The following PDZD2 variants were observed in gnomAD, a reference collection of about 807,000 sequenced individuals.
PDZD2 encodes PDZ domain-containing protein 2.
A neutral mutation model predicts 220.7 loss-of-function variants in PDZD2; 90 were observed. The observed-to-expected ratio is 0.41, with a 90% confidence interval of 0.34 to 0.49. PDZD2 has a LOEUF of 0.49. Ranked by LOEUF, PDZD2 falls within the 20% of genes least tolerant of loss-of-function variation. The pLI, the probability that PDZD2 is intolerant of heterozygous loss-of-function variation, is 0.28. For missense variants in PDZD2, 3,174 were observed against 3,608.5 expected, an observed-to-expected ratio of 0.88 and a Z score of 3.08; for synonymous variants, 1,375 against 1,450.5, an observed-to-expected ratio of 0.95 and a Z score of 1.18.
chr5:31,861,063 T>C (rs1488685031), intron 2 of PDZD2, among the ~76,000 whole-genome samples: 1 of 152,162 alleles, frequency 6.6e-6, no homozygotes, highest in Non-Finnish European at 1.5e-5. Context: ...TCGTGGAGTT[T>C]CTAGGGAAGG....
At chr5:31,674,168 C>T (rs1431488168) in intron 1 of PDZD2, among the ~76,000 whole-genome samples, 1 of 152,130 alleles carries the variant, frequency 6.6e-6, no homozygotes, top group Non-Finnish European at 1.5e-5. Flanking sequence ...GTGATAGCAG[C>T]CCAAGTGGAC....
At chr5:31,653,539 A>C (rs1007877359) in intron 1 of PDZD2, among the ~76,000 whole-genome samples, 2 of 152,174 alleles carry the variant, frequency 1.3e-5, no homozygotes, top group African/African-American at 4.8e-5. Context: ...AGGCAGCGCT[A>C]GTTATGACTT....
chr5:31,737,189 T>C (rs1353443476), intron 1 of PDZD2, among the ~76,000 whole-genome samples: 2 of 145,290 alleles, frequency 1.4e-5, no homozygotes. Context: ...TTTTTTTTTT[T>C]TTTGAGATGG....
rs549809929 is a variant in PDZD2 at position 32,083,933 on chromosome 5, A to G, written c.3683-3198A>G. On this transcript the variant is annotated intron_variant, in intron 19 of 24. Transcript: ENST00000438447. This position sits in a 1 kb window ranked among gnomAD's most constrained non-coding sequence, Gnocchi z 4.1. ...CTCAAGTGATCTGCCTGGCCTCAGC[A>G]TCCCAAAGTGCTGGGATTACAGGCA... is the stretch of plus-strand genomic sequence containing the variant. Among the ~76,000 whole-genome samples, 6 of 152,192 alleles carry G rather than the reference A, an allele frequency of 3.9e-5. No homozygotes were observed. The highest frequency in any genetic ancestry group is 3.4e-3 in the Middle Eastern group (1 of 292).
Position 31,747,192 on chromosome 5 carries a change from T to A in PDZD2, c.-360-51697T>A, listed in dbSNP as rs148091376. Among the ~76,000 whole-genome samples the A allele has an allele frequency of 5.3e-3, 804 of 152,242 alleles. 10 individuals are homozygous for A. Among genetic ancestry groups the A allele is most frequent in the African/African-American group, 0.018 (751 of 41,546 alleles). On this transcript the variant is annotated intron_variant, in intron 1 of 24. Coordinates refer to ENST00000438447, the MANE Select transcript of PDZD2 (RefSeq NM_178140.4). ...TCCATCTCAAAATAAATAATTTTTT[T>A]AAAAGTTTTACAGGTCATGAGAGCC...
intron 2 of PDZD2, among the ~76,000 whole-genome samples, chr5:31,920,017 C>T (rs993707015): frequency 6.6e-6 from 1 of 151,974 alleles, no homozygotes; most frequent in Admixed American, 6.6e-5. Flanking sequence ...AAGACCTAGC[C>T]TTTTAAGTTT....
chr5:32,014,542 G>C (rs1318897694), intron 6 of PDZD2, among the ~76,000 whole-genome samples: 1 of 151,894 alleles, frequency 6.6e-6, no homozygotes, highest in Non-Finnish European at 1.5e-5. Flanking sequence ...CGTCTGCCAC[G>C]ACTCACCCCC....
intron 21 of PDZD2, among the ~76,000 whole-genome samples, chr5:32,095,722 T>C (rs1000539917): frequency 6.9e-6 from 1 of 144,954 alleles, no homozygotes; most frequent in Non-Finnish European, 1.5e-5. Context: ...CTCATTTTCT[T>C]TTTTTTTTTC....
intron 6 of PDZD2, among the ~76,000 whole-genome samples, chr5:32,031,997 G>A (rs1375194826): frequency 6.6e-6 from 1 of 152,194 alleles, no homozygotes; most frequent in African/African-American, 2.4e-5. Context: ...TATACATTGA[G>A]CAGAACAAGT....
chr5:31,951,120 G>A (rs1376087131), intron 2 of PDZD2, among the ~76,000 whole-genome samples: 3 of 152,070 alleles, frequency 2.0e-5, no homozygotes, highest in African/African-American at 7.2e-5. Context: ...AAACTGGAGA[G>A]CAGTGGCGCC....
At chr5:31,710,410 G>A (rs4867378) in intron 1 of PDZD2, among the ~76,000 whole-genome samples, 79,942 of 151,714 alleles carry the variant, frequency 0.53, 21,282 homozygotes, top group African/African-American at 0.6. Flanking sequence ...AAATCCATGC[G>A]GAACATGGAT....
chr5:31,898,808 C>CTTTTTTTTTTTTTTTTTTTTTTTTT (rs35589628), intron 2 of PDZD2, among the ~76,000 whole-genome samples: 18 of 123,448 alleles, frequency 1.5e-4, no homozygotes, highest in Non-Finnish European at 1.8e-4. Flanking sequence ...AGCCTCTCTT[C>CTTTTTTTTTTTTTTTTTTTTTTTTT]TTTTTTTTTT....
chr5:31,911,135 T>G (rs1320782126), intron 2 of PDZD2, among the ~76,000 whole-genome samples: 1 of 152,184 alleles, frequency 6.6e-6, no homozygotes, highest in Non-Finnish European at 1.5e-5. Context: ...AAATATAACC[T>G]TATATTTTGA....
chr5:31,775,690 T>C (rs1580730633), intron 1 of PDZD2, among the ~76,000 whole-genome samples: 1 of 151,464 alleles, frequency 6.6e-6, no homozygotes, highest in Non-Finnish European at 1.5e-5. Context: ...TGTGTGTGTG[T>C]GTGTGTGTGT....
chr5:31,999,264 G>GC (rs1751900581), intron 4 of PDZD2, among the ~76,000 whole-genome samples: 1 of 138,710 alleles, frequency 7.2e-6, no homozygotes, highest in Non-Finnish European at 1.5e-5. Flanking sequence ...TTTGGGGGGG[G>GC]CGGGTGGCGG....
rs575218697 is a variant in PDZD2 at position 32,110,910 on chromosome 5, T to A, written c.*2775T>A. 6.6e-6 allele frequency: 1 copy of A among 152,254 alleles called. No homozygotes were observed. Among genetic ancestry groups the A allele is most frequent in the Non-Finnish European group, 1.5e-5 (1 of 68,012 alleles). 9.4% of individuals were successfully genotyped at this position (152,254 alleles called of 1,614,324 possible). ...CTTTTTTAAGTAATTTTAAAAAAAA[T>A]AAACACTCTGCTTACTACTTGATTT... is the stretch of plus-strand genomic sequence containing the variant. On this transcript the variant is annotated 3_prime_UTR_variant, in exon 25 of 25. Coordinates refer to ENST00000438447, the MANE Select transcript of PDZD2 (RefSeq NM_178140.4).
intron 1 of PDZD2, among the ~76,000 whole-genome samples, chr5:31,733,811 C>A (rs1212821441): frequency 1.3e-5 from 2 of 152,208 alleles, no homozygotes; most frequent in Admixed American, 1.3e-4. Context: ...TCCTCTCACT[C>A]AACACAACAC....
At chr5:31,667,739 A>G (rs574784785) in intron 1 of PDZD2, among the ~76,000 whole-genome samples, 1 of 151,670 alleles carries the variant, frequency 6.6e-6, no homozygotes, top group South Asian at 2.1e-4. Flanking sequence ...AGGCGTAGTC[A>G]TGGGCTCCCT....
At chr5:31,878,254 T>C (rs908536302) in intron 2 of PDZD2, among the ~76,000 whole-genome samples, 2 of 152,168 alleles carry the variant, frequency 1.3e-5, no homozygotes, top group African/African-American at 4.8e-5. Flanking sequence ...GGCCACTTCA[T>C]CCACTGGAGA....
Sources: allele counts gnomAD v4.1 joint callset (sites outside exome capture counted in the v4.1 genomes callset), GRCh38; gene constraint gnomAD v4.1.1; non-coding constraint Gnocchi (gnomAD v3.1); transcripts MANE v1.5; gene names NCBI Gene and HGNC (gene_info 2026-07-23, HGNC 2026-07-21).